The following DOP1A variants were observed in gnomAD, a reference collection of about 807,000 sequenced individuals.
DOP1A encodes protein DOP1A.
Under a neutral mutation model 267.6 loss-of-function variants are expected in DOP1A, and 90 were observed. The observed-to-expected ratio is 0.34, with a 90% CI of 0.28 to 0.40. The LOEUF (loss-of-function observed/expected upper bound fraction) is 0.40. Among genes scored for constraint, DOP1A ranks in the 10% least tolerant of loss-of-function variants. The pLI, the probability that DOP1A is intolerant of heterozygous loss-of-function variation, is 1.00. For synonymous variants in DOP1A, 932 were observed against 999.1 expected, an observed-to-expected ratio of 0.93 and a Z score of 1.27; for missense variants, 2,437 against 2,900.4, an observed-to-expected ratio of 0.84 and a Z score of 3.67.
chr6:83,101,066 A>G (rs1046211883), intron 4 of DOP1A, among the ~76,000 whole-genome samples, 180 bp downstream of exon 4: 7 of 152,256 alleles, frequency 4.6e-5, no homozygotes, highest in East Asian at 1.9e-4. Context: ...CCCAGGCTGG[A>G]GTGCAGTGGC....
intron 7 of DOP1A, among the ~76,000 whole-genome samples, chr6:83,117,403 G>T (rs1329642805): frequency 6.6e-6 from 1 of 152,084 alleles, no homozygotes; most frequent in Non-Finnish European, 1.5e-5. Flanking sequence ...GCCTGCCTTG[G>T]CCTCCCAAAG....
intron 17 of DOP1A, among the ~76,000 whole-genome samples, chr6:83,131,784 T>C (rs532857286): frequency 9.6e-4 from 146 of 152,170 alleles, no homozygotes; most frequent in African/African-American, 3.4e-3. Context: ...TACAGGTGCA[T>C]GCCACCATGC....
At chr6:83,084,784 T>C (rs1191289192) in intron 1 of DOP1A, among the ~76,000 whole-genome samples, 7 of 151,800 alleles carry the variant, frequency 4.6e-5, no homozygotes, top group Admixed American at 4.6e-4. Flanking sequence ...GTAGAGATGG[T>C]TTCACCATGT....
chr6:83,168,111 C>CA lies in DOP1A; in HGVS notation c.7348dup (p.Ile2450AsnfsTer25), dbSNP rs1562402608. The CA allele has an allele frequency of 6.2e-7, 1 of 1,608,778 alleles. No individual in the cohort carries two copies. Among genetic ancestry groups the CA allele is most frequent in the African/African-American group, 1.3e-5 (1 of 74,406 alleles). On this transcript the variant is annotated frameshift_variant, in exon 39 of 39. Coordinates refer to ENST00000349129, the MANE Select transcript of DOP1A (RefSeq NM_015018.4). LOFTEE classifies it high-confidence loss of function. Reference sequence around the variant, plus strand: ...CAAACCATGTTCCAGCAAAGCCAGGCAAAAAATAGAAGAGATGGTAGAAAA... The same window carrying CA: ...CAAACCATGTTCCAGCAAAGCCAGGCAAAAAAATAGAAGAGATGGTAGAAAA...
chr6:83,093,287 A>G (rs1770813721), intron 1 of DOP1A, among the ~76,000 whole-genome samples: 1 of 152,208 alleles, frequency 6.6e-6, no homozygotes. Context: ...ACTCTCTCCA[A>G]AGATAGGCTT....
chr6:83,120,947 A>G (rs1776272739), intron 10 of DOP1A, among the ~76,000 whole-genome samples, 156 bp downstream of exon 10: 1 of 151,940 alleles, frequency 6.6e-6, no homozygotes. Context: ...AAGTTAAGAT[A>G]CAGGTATTCA....
At chr6:83,080,468 C>T (rs1017307639) in intron 1 of DOP1A, among the ~76,000 whole-genome samples, 13 of 152,144 alleles carry the variant, frequency 8.5e-5, no homozygotes, top group African/African-American at 3.1e-4. Flanking sequence ...AATTATATCT[C>T]CCTTTGCCAA....
intron 3 of DOP1A, among the ~76,000 whole-genome samples, chr6:83,099,868 A>G (rs1337727084): frequency 6.6e-6 from 1 of 152,000 alleles, no homozygotes; most frequent in East Asian, 1.9e-4. Flanking sequence ...TATTATTTCA[A>G]CCTCAGTTTA....
chr6:83,096,854 T>A, intron 2 of DOP1A, 31 bp downstream of exon 2: 1 of 1,139,692 alleles, frequency 8.8e-7, no homozygotes, highest in Non-Finnish European at 1.3e-6. Context: ...AGTCATTACC[T>A]TTGTAGTAAG....
At chr6:83,139,218 T>G in intron 21 of DOP1A, 56 bp downstream of exon 21, 1 of 1,332,454 alleles carries the variant, frequency 7.5e-7, no homozygotes, top group Non-Finnish European at 1.0e-6. Flanking sequence ...ATATGACTGC[T>G]TAATGTCTGG....
At chr6:83,111,492 A>G (rs879422776) in intron 6 of DOP1A, among the ~76,000 whole-genome samples, 4 of 152,024 alleles carry the variant, frequency 2.6e-5, no homozygotes, top group South Asian at 2.1e-4. Context: ...TTCCACTTGC[A>G]GTATATGCAG....
intron 24 of DOP1A, among the ~76,000 whole-genome samples, chr6:83,144,585 G>A (rs1390871722): frequency 6.6e-6 from 1 of 152,130 alleles, no homozygotes; most frequent in Non-Finnish European, 1.5e-5. Context: ...ATAATCATGT[G>A]AACATTGGAT....
intron 1 of DOP1A, among the ~76,000 whole-genome samples, chr6:83,088,074 G>C (rs182377448): frequency 2.6e-5 from 4 of 152,066 alleles, no homozygotes; most frequent in Admixed American, 6.5e-5. Context: ...GGGTTTCACC[G>C]TGTTAGCCAG....
intron 28 of DOP1A, 83 bp from the exon 29 acceptor site, chr6:83,151,800 A>C: frequency 6.8e-7 from 1 of 1,459,928 alleles, no homozygotes; most frequent in Non-Finnish European, 9.4e-7. Context: ...TAAAATATCT[A>C]TTATCAGAAA....
At chr6:83,164,807 C>G in intron 38 of DOP1A, 3 of 1,054,700 alleles carry the variant, frequency 2.8e-6, no homozygotes, top group Middle Eastern at 2.1e-4. Context: ...TCAACAAGTA[C>G]AAGGGAGGTA....
At chr6:83,120,957 A>G (rs1028091193) in intron 10 of DOP1A, among the ~76,000 whole-genome samples, 166 bp downstream of exon 10, 2 of 151,928 alleles carry the variant, frequency 1.3e-5, no homozygotes, top group African/African-American at 2.4e-5. Flanking sequence ...ACAGGTATTC[A>G]TCCACCTGAT....
chr6:83,160,368 A>G (rs1313851799), intron 37 of DOP1A, among the ~76,000 whole-genome samples: 1 of 152,232 alleles, frequency 6.6e-6, no homozygotes, highest in East Asian at 1.9e-4. Context: ...GAGAGTGAAG[A>G]TAGAGGCAGC....
At chr6:83,151,741 GA>G in intron 28 of DOP1A, 82 bp downstream of exon 28, 3 of 1,470,634 alleles carry the variant, frequency 2.0e-6, no homozygotes, top group Non-Finnish European at 1.9e-6. Flanking sequence ...AAAATAAACT[GA>G]AGTTTCTTTC....
chr6:83,094,139 T>C (rs78355216), intron 1 of DOP1A, among the ~76,000 whole-genome samples: 3,073 of 152,310 alleles, frequency 0.02, 115 homozygotes, highest in African/African-American at 0.07. Context: ...TTTCTATTCC[T>C]GTCATTTCAT....
Sources: allele counts gnomAD v4.1 joint callset (sites outside exome capture counted in the v4.1 genomes callset), GRCh38; gene constraint gnomAD v4.1.1; transcripts MANE v1.5; gene names NCBI Gene and HGNC (gene_info 2026-07-23, HGNC 2026-07-21).